Variants in PRIM2 observed in about 807,000 individuals in gnomAD.
PRIM2 encodes DNA primase large subunit.
In PRIM2, 39 loss-of-function variants were observed where a neutral mutation model predicts 67.3. That is an observed-to-expected ratio of 0.58 (90% CI 0.45 to 0.76). PRIM2 has a LOEUF of 0.76. Among genes scored for constraint, PRIM2 ranks in the 30% least tolerant of loss-of-function variants. PRIM2 has a pLI of 0.00. For synonymous variants in PRIM2, 143 were observed against 198.7 expected, an observed-to-expected ratio of 0.72 and a Z score of 2.36; for missense variants, 398 against 598.7, an observed-to-expected ratio of 0.66 and a Z score of 3.50.
intron 7 of PRIM2, among the ~76,000 whole-genome samples, chr6:57,487,114 G>C: frequency 6.6e-6 from 1 of 152,228 alleles, no homozygotes; most frequent in East Asian, 1.9e-4. Flanking sequence ...AATTCCCCTA[G>C]AAAGTTACAA....
intron 5 of PRIM2, among the ~76,000 whole-genome samples, chr6:57,366,975 G>A (rs367713548): frequency 1.4e-4 from 21 of 151,924 alleles, no homozygotes; most frequent in African/African-American, 4.6e-4. Context: ...GATGAAATAT[G>A]CTTTAGTATA....
At chr6:57,268,757 A>G in the PRIM2 span, among the ~76,000 whole-genome samples, 1 of 146,806 alleles carries the variant, frequency 6.8e-6, no homozygotes, top group Admixed American at 6.8e-5. Context: ...AGCATTAGGT[A>G]TATCTCCTAA....
In PRIM2 at chr6:57,530,708, C is replaced by CT. The variant is rs1474665431; in HGVS notation, c.762-1692dup. 6.6e-3 allele frequency among the ~76,000 whole-genome samples: 973 copies of CT among 147,018 alleles called. 9 individuals carry two copies. The highest frequency in any genetic ancestry group is 0.022 in the African/African-American group (887 of 40,162). ...ACTTGCAGGGAGGGGAAATCTGTAC[C>CT]TTTTTTTTTTTCTTTTTTTTGATAC... On this transcript the variant is annotated intron_variant, in intron 8 of 13. Transcript: ENST00000615550.
chr6:57,553,409 A>G (rs1775443003), intron 10 of PRIM2, among the ~76,000 whole-genome samples: 2 of 152,030 alleles, frequency 1.3e-5, no homozygotes, highest in South Asian at 2.1e-4. Context: ...AAAAATCTAT[A>G]TTTAAAAAAA....
intron 7 of PRIM2, among the ~76,000 whole-genome samples, chr6:57,391,998 G>A (rs1265306921): frequency 2.6e-5 from 4 of 152,058 alleles, no homozygotes; most frequent in Non-Finnish European, 5.9e-5. Context: ...GACTTTTCCT[G>A]TCCATGAGCA....
At chr6:57,305,783 G>C in the PRIM2 span, among the ~76,000 whole-genome samples, 6 of 152,122 alleles carry the variant, frequency 3.9e-5, no homozygotes, top group Admixed American at 3.9e-4. Flanking sequence ...AGAACAATCA[G>C]GGATATTCTA....
At position 57,646,398 on chromosome 6, in the gene PRIM2, G is replaced by T. The variant is rs1416041043; in HGVS notation, c.*240G>T. 16 of 442,722 alleles carry T rather than the reference G, an allele frequency of 3.6e-5. No homozygotes were observed. The highest frequency in any genetic ancestry group is 1.4e-4 in the African/African-American group (7 of 50,292). 27.4% of individuals were successfully genotyped at this position (442,722 alleles called of 1,614,324 possible). On this transcript the variant is annotated 3_prime_UTR_variant, in exon 14 of 14. Coordinates refer to ENST00000615550, the MANE Select transcript of PRIM2 (RefSeq NM_000947.5). ...TTTTTCAATTTTTTTTTGTAGAGGT[G>T]GGGGGTCTCCCTATGTTGCCCAGGC... is the stretch of plus-strand genomic sequence containing the variant.
the PRIM2 span, among the ~76,000 whole-genome samples, chr6:57,298,877 T>G: frequency 6.6e-6 from 1 of 152,120 alleles, no homozygotes; most frequent in African/African-American, 2.4e-5. Flanking sequence ...CTGCCGGCCT[T>G]GCTTTTCCTG....
intron 12 of PRIM2, among the ~76,000 whole-genome samples, chr6:57,627,122 A>T (rs1776961407): frequency 6.6e-6 from 1 of 150,430 alleles, no homozygotes; most frequent in Non-Finnish European, 1.5e-5. Context: ...CTCTATTAAA[A>T]ATTCAAAAAT....
chr6:57,550,873 C>G (rs1364003514), intron 10 of PRIM2, among the ~76,000 whole-genome samples: 2 of 151,992 alleles, frequency 1.3e-5, no homozygotes, highest in Non-Finnish European at 2.9e-5. Context: ...CGTATAAGCT[C>G]CAAAATGGGT....
At chr6:57,455,615 CT>C (rs954795319) in intron 7 of PRIM2, among the ~76,000 whole-genome samples, 23 of 152,098 alleles carry the variant, frequency 1.5e-4, no homozygotes, top group Non-Finnish European at 3.2e-4. Context: ...CAACCCCTGC[CT>C]TTTTTTGTTT....
intron 7 of PRIM2, among the ~76,000 whole-genome samples, chr6:57,498,844 T>C (rs1439078565): frequency 6.6e-6 from 1 of 152,204 alleles, no homozygotes; most frequent in African/African-American, 2.4e-5. Flanking sequence ...GTCTGTTGAC[T>C]CTTTAAGAAC....
intron 5 of PRIM2, among the ~76,000 whole-genome samples, chr6:57,374,968 T>C (rs1769707504): frequency 1.3e-5 from 2 of 152,284 alleles, no homozygotes; most frequent in South Asian, 2.1e-4. Context: ...GCTTTTGGGC[T>C]GAGACAATGG....
At position 57,531,077 on chromosome 6, in the gene PRIM2, A is replaced by G. The variant is rs1178910204; in HGVS notation, c.762-1334A>G. ...TATGGAAACAACAGCCTGTCTACAG[A>G]GCATCTTGAGCGTATATGTGGTTCA... On this transcript the variant is annotated intron_variant, in intron 8 of 13. Transcript: ENST00000615550. Among the ~76,000 whole-genome samples, 3 of 152,246 alleles carry G rather than the reference A, an allele frequency of 2.0e-5. No individual in the cohort carries two copies. In the East Asian group the frequency reaches 5.8e-4, roughly 29 times the overall value.
At chr6:57,560,795 G>C (rs1268652423) in intron 10 of PRIM2, among the ~76,000 whole-genome samples, 70 of 152,124 alleles carry the variant, frequency 4.6e-4, no homozygotes, top group Non-Finnish European at 7.9e-4. Context: ...GGGCTTAACT[G>C]TTCAGTAAAC....
intron 7 of PRIM2, among the ~76,000 whole-genome samples, chr6:57,407,078 T>A (rs1770917291): frequency 6.6e-6 from 1 of 151,902 alleles, no homozygotes; most frequent in African/African-American, 2.4e-5. Flanking sequence ...ACAAGATTGG[T>A]AACCCGAATG....
chr6:57,323,727 A>T (rs1013350651), intron 3 of PRIM2, among the ~76,000 whole-genome samples: 1 of 151,858 alleles, frequency 6.6e-6, no homozygotes, highest in African/African-American at 2.4e-5. Context: ...GCACACGTAT[A>T]CCTATGTAAC....
intron 7 of PRIM2, among the ~76,000 whole-genome samples, chr6:57,404,621 C>G (rs1344995336): frequency 6.6e-6 from 1 of 152,236 alleles, no homozygotes; most frequent in Non-Finnish European, 1.5e-5. Context: ...CGGAAAACTC[C>G]TGAAGAACTG....
chr6:57,245,179 G>C, the PRIM2 span, among the ~76,000 whole-genome samples: 1 of 152,154 alleles, frequency 6.6e-6, no homozygotes, highest in African/African-American at 2.4e-5. Flanking sequence ...GCCCAGGATG[G>C]TCCCAAGGCA....
Sources: allele counts gnomAD v4.1 joint callset (sites outside exome capture counted in the v4.1 genomes callset), GRCh38; gene constraint gnomAD v4.1.1; transcripts MANE v1.5; gene names NCBI Gene and HGNC (gene_info 2026-07-23, HGNC 2026-07-21).